The following PDSS2 variants were observed in gnomAD, a reference collection of about 807,000 sequenced individuals.
The protein encoded by PDSS2 is decaprenyl diphosphate synthase subunit 2, also known as all trans-polyprenyl-diphosphate synthase PDSS2.
Under a neutral mutation model 44.5 loss-of-function variants are expected in PDSS2, and 31 were observed. The ratio of observed to expected loss-of-function variants is 0.70; its 90% CI spans 0.52 to 0.94. PDSS2 has a LOEUF of 0.94. Among genes scored for constraint, PDSS2 ranks in the 40% least tolerant of loss-of-function variants. The probability of loss-of-function intolerance (pLI) is 0.00; values close to 1 mark genes in which losing one functional copy is unlikely to be tolerated. For missense variants in PDSS2, 452 were observed against 482.2 expected (o/e 0.94, Z 0.59); for synonymous variants, 157 against 180.3 (o/e 0.87, Z 1.03).
chr6:107,334,281 C>A lies in PDSS2; in HGVS notation c.348G>T (p.Val116=), dbSNP rs779485875. ...GCCCAGCTGCTTTAGAGATAAGGAG[C>A]ACCACCAAGCCCCTCAACTGGAGGC... ...WNSLQLRGLV[V]LLISKAAGPS... The change falls in exon 2 of 8, where the codon GTG becomes GTT. Residue 116 remains valine (V), a synonymous_variant. Transcript: ENST00000369037. 3.1e-6 allele frequency: 5 copies of A among 1,613,380 alleles called. No individual in the cohort carries two copies. The Admixed American group carries it at 6.7e-5, about 22-fold the overall frequency.
intron 7 of PDSS2, among the ~76,000 whole-genome samples, chr6:107,159,909 G>C (rs541749839): frequency 1.3e-5 from 2 of 152,168 alleles, no homozygotes; most frequent in South Asian, 4.1e-4. Context: ...TCTTTGCTTT[G>C]TGGATCAAGA....
Position 107,396,678 on chromosome 6 carries a change from C to CTTTTTTTTTT in PDSS2, c.296+62302_296+62311dup, listed in dbSNP as rs950671310. On this transcript the variant is annotated intron_variant, in intron 1 of 7. Coordinates refer to ENST00000369037, the MANE Select transcript of PDSS2 (RefSeq NM_020381.4). Reference sequence around the variant, plus strand: ...CTTTCTTTTTTTCCTCTTCTTTTTTCTTTTTTTTTTTTTTTTTTTTTTGAG... The same window carrying CTTTTTTTTTT: ...CTTTCTTTTTTTCCTCTTCTTTTTTCTTTTTTTTTTTTTTTTTTTTTTTTTTTTTTTTGAG... 3.2e-3 allele frequency among the ~76,000 whole-genome samples: 256 copies of CTTTTTTTTTT among 79,296 alleles called. 1 individual carries two copies. The highest frequency in any genetic ancestry group is 5.2e-3 in the African/African-American group (117 of 22,562). 52.0% of individuals were successfully genotyped at this position (79,296 alleles called of 152,430 possible).
At chr6:107,342,290 C>A (rs1476146401) in intron 1 of PDSS2, among the ~76,000 whole-genome samples, 2 of 152,080 alleles carry the variant, frequency 1.3e-5, no homozygotes, top group African/African-American at 4.8e-5. Flanking sequence ...TACTACTATT[C>A]TCAACTTTCC....
At chr6:107,299,606 T>G (rs1242871724) in intron 2 of PDSS2, among the ~76,000 whole-genome samples, 1 of 152,176 alleles carries the variant, frequency 6.6e-6, no homozygotes, top group African/African-American at 2.4e-5. Flanking sequence ...TCCTCCATGC[T>G]GCTGTACTAC....
At chr6:107,430,301 A>T (rs899947782) in intron 1 of PDSS2, among the ~76,000 whole-genome samples, 1 of 152,064 alleles carries the variant, frequency 6.6e-6, no homozygotes, top group Admixed American at 6.6e-5. Flanking sequence ...GGAGGTCAAG[A>T]CTAGCCTGGC....
At chr6:107,358,736 G>C (rs1562485433) in intron 1 of PDSS2, among the ~76,000 whole-genome samples, 1 of 152,064 alleles carries the variant, frequency 6.6e-6, no homozygotes, top group Non-Finnish European at 1.5e-5. Flanking sequence ...ATGGCATTTT[G>C]AACTGGAACT....
chr6:107,429,901 A>AAAATATATATATATAT (rs1166637352), intron 1 of PDSS2, among the ~76,000 whole-genome samples: 3 of 31,834 alleles, frequency 9.4e-5, no homozygotes, highest in South Asian at 2.6e-3. Context: ...AAAAAAAAAA[A>AAAATATATATATATAT]ATATATATAT....
chr6:107,162,610 A>ATTTTTTTTTCTTTTT (rs1554246877), intron 7 of PDSS2, among the ~76,000 whole-genome samples: 2,146 of 115,502 alleles, frequency 0.019, 183 homozygotes, highest in African/African-American at 0.069. Flanking sequence ...GAATTCCCTA[A>ATTTTTTTTTCTTTTT]TTTTTTTTTT....
At chr6:107,323,173 T>C (rs1219474971) in intron 2 of PDSS2, among the ~76,000 whole-genome samples, 1 of 152,164 alleles carries the variant, frequency 6.6e-6, no homozygotes, top group Non-Finnish European at 1.5e-5. Flanking sequence ...ATGGTGACTG[T>C]GGAAATAGCT....
chr6:107,247,652 C>T (rs1774665184), intron 3 of PDSS2, among the ~76,000 whole-genome samples: 1 of 152,026 alleles, frequency 6.6e-6, no homozygotes, highest in South Asian at 2.1e-4. Flanking sequence ...TTACCCAGTG[C>T]ACATATCAAT....
intron 1 of PDSS2, among the ~76,000 whole-genome samples, chr6:107,365,551 A>G (rs1244619516): frequency 6.6e-6 from 1 of 152,134 alleles, no homozygotes; most frequent in Non-Finnish European, 1.5e-5. Context: ...GGACAAAACA[A>G]CCCACTTAAA....
At chr6:107,396,197 T>C (rs1276625321) in intron 1 of PDSS2, among the ~76,000 whole-genome samples, 1 of 152,196 alleles carries the variant, frequency 6.6e-6, no homozygotes, top group Admixed American at 6.5e-5. Flanking sequence ...TCAAAGGGAC[T>C]CCTAAACAGA....
chr6:107,334,536 G>A (rs1777816859), intron 1 of PDSS2, among the ~76,000 whole-genome samples: 1 of 109,404 alleles, frequency 9.1e-6, no homozygotes, highest in African/African-American at 2.7e-5. Flanking sequence ...CGTTGTTGTT[G>A]TTGTTGTTGT....
intron 4 of PDSS2, among the ~76,000 whole-genome samples, chr6:107,241,537 AGGGTTTCACC>A (rs1774432863): frequency 1.3e-5 from 2 of 151,638 alleles, no homozygotes; most frequent in African/African-American, 4.8e-5. Context: ...TAGTAGAGAC[AGGGTTTCACC>A]GTGTTAGCCA....
intron 1 of PDSS2, among the ~76,000 whole-genome samples, chr6:107,431,140 A>G (rs1329252157): frequency 6.6e-6 from 1 of 152,230 alleles, no homozygotes; most frequent in East Asian, 1.9e-4. Context: ...ACTTGCTCAA[A>G]TAGCAGGTAG....
intron 1 of PDSS2, among the ~76,000 whole-genome samples, chr6:107,355,307 G>A (rs1373608999): frequency 6.6e-6 from 1 of 152,016 alleles, no homozygotes; most frequent in East Asian, 1.9e-4. Flanking sequence ...ACAGAAAATG[G>A]GTATGCATAT....
intron 2 of PDSS2, among the ~76,000 whole-genome samples, chr6:107,289,816 A>AT (rs1376498998): frequency 6.6e-6 from 1 of 152,206 alleles, no homozygotes; most frequent in Non-Finnish European, 1.5e-5. Context: ...TCTAGTTGTA[A>AT]AGAGCCCATG....
At chr6:107,178,174 T>G (rs1771859009) in intron 7 of PDSS2, among the ~76,000 whole-genome samples, 1 of 152,168 alleles carries the variant, frequency 6.6e-6, no homozygotes, top group South Asian at 2.1e-4. Flanking sequence ...TAAAACACAT[T>G]TATAATTTCA....
intron 1 of PDSS2, among the ~76,000 whole-genome samples, chr6:107,366,419 A>G (rs994705594): frequency 2.0e-5 from 3 of 152,106 alleles, no homozygotes; most frequent in Non-Finnish European, 4.4e-5. Context: ...TCTGAGGAAA[A>G]GTGTCAAATA....
Sources: gnomAD v4.1 joint callset for allele counts (sites outside exome capture counted in the v4.1 genomes callset) on GRCh38, gnomAD v4.1.1 for gene constraint, MANE v1.5 for transcripts, NCBI Gene and HGNC (gene_info 2026-07-23, HGNC 2026-07-21) for gene names.